The following GPC5 variants were observed in gnomAD, a reference collection of about 807,000 sequenced individuals.
GPC5 encodes the protein glypican-5.
In GPC5, 47 loss-of-function variants were observed where a neutral mutation model predicts 53.9. The observed-to-expected ratio is 0.87, with a 90% confidence interval of 0.69 to 1.11. The LOEUF (loss-of-function observed/expected upper bound fraction) is 1.11. Among genes scored for constraint, GPC5 ranks in the 50% most tolerant of loss-of-function variants. GPC5 has a pLI of 0.00. For synonymous variants in GPC5, 286 were observed against 263.3 expected (o/e 1.09, Z -0.84); for missense variants, 748 against 713.1 (o/e 1.05, Z -0.56).
intron 7 of GPC5, among the ~76,000 whole-genome samples, chr13:92,603,071 A>G (rs548722972): frequency 1.3e-5 from 2 of 152,336 alleles, no homozygotes; most frequent in African/African-American, 2.4e-5. Context: ...GATTTCAGTC[A>G]CTGAAGCTAT....
At chr13:91,902,754 G>C (rs2039510530) in intron 5 of GPC5, among the ~76,000 whole-genome samples, 1 of 152,006 alleles carries the variant, frequency 6.6e-6, no homozygotes, top group African/African-American at 2.4e-5. Context: ...ATTTAATCTA[G>C]AAACCATGTT....
intron 5 of GPC5, among the ~76,000 whole-genome samples, chr13:91,825,916 G>A (rs2138844328): frequency 6.6e-6 from 1 of 152,116 alleles, no homozygotes; most frequent in South Asian, 2.1e-4. Flanking sequence ...CTTACATGAG[G>A]GAAGCTCCAA....
chr13:91,874,640 C>T (rs1288791522), intron 5 of GPC5, among the ~76,000 whole-genome samples: 1 of 152,140 alleles, frequency 6.6e-6, no homozygotes, highest in Non-Finnish European at 1.5e-5. Flanking sequence ...TGGTGTGTAT[C>T]TTAAGCCATG....
Position 91,528,070 on chromosome 13 carries a change from TA to T in GPC5, c.325+79149del, listed in dbSNP as rs1232110816. On this transcript the variant is annotated intron_variant, in intron 2 of 7. Transcript: ENST00000377067. ...TGAAGACAATTGTCTTGGCTTTTAA[TA>T]TTCAACTTCTCATTATTTATGCAAA... is the stretch of plus-strand genomic sequence containing the variant. Among the ~76,000 whole-genome samples, 3 of 152,242 alleles carry T rather than the reference TA, an allele frequency of 2.0e-5. No homozygotes were observed. The East Asian group carries it at 5.8e-4, about 29-fold the overall frequency.
chr13:92,513,188 C>T (rs972675694), intron 7 of GPC5, among the ~76,000 whole-genome samples: 2 of 152,172 alleles, frequency 1.3e-5, no homozygotes, highest in African/African-American at 4.8e-5. Context: ...AGCAGGCCGC[C>T]TTTTCCTGTA....
intron 7 of GPC5, among the ~76,000 whole-genome samples, chr13:92,287,451 A>T (rs1225168476): frequency 6.6e-6 from 1 of 152,156 alleles, no homozygotes; most frequent in Non-Finnish European, 1.5e-5. Context: ...GTAGGGTTTG[A>T]AGTCTCCAAT....
intron 2 of GPC5, among the ~76,000 whole-genome samples, chr13:91,522,921 A>G (rs1885899266): frequency 6.6e-6 from 1 of 152,134 alleles, no homozygotes; most frequent in South Asian, 2.1e-4. Flanking sequence ...TCATTGATGG[A>G]CGTTTGGGTT....
At chr13:92,381,792 T>TAC (rs2043741163) in intron 7 of GPC5, among the ~76,000 whole-genome samples, 2 of 110,798 alleles carry the variant, frequency 1.8e-5, no homozygotes, top group Non-Finnish European at 3.9e-5. Context: ...AACTGTGATA[T>TAC]ATATAGATAC....
chr13:91,873,790 C>A (rs1273667856), intron 5 of GPC5, among the ~76,000 whole-genome samples: 2 of 152,044 alleles, frequency 1.3e-5, no homozygotes, highest in Non-Finnish European at 1.5e-5. Flanking sequence ...CTCAAGGACT[C>A]CTCCTGTTAG....
intron 2 of GPC5, among the ~76,000 whole-genome samples, chr13:91,507,346 C>T (rs112580414): frequency 0.017 from 2,600 of 152,138 alleles, 87 homozygotes; most frequent in African/African-American, 0.059. Flanking sequence ...AAGACATACC[C>T]GAGACTGGGT....
At chr13:91,971,919 G>A (rs2040246008) in intron 6 of GPC5, among the ~76,000 whole-genome samples, 2 of 152,120 alleles carry the variant, frequency 1.3e-5, no homozygotes, top group South Asian at 4.1e-4. Flanking sequence ...GTGTGGTGTG[G>A]TGCTGGAAAA....
chr13:92,590,126 C>A (rs1031382801), intron 7 of GPC5, among the ~76,000 whole-genome samples: 27 of 152,156 alleles, frequency 1.8e-4, no homozygotes, highest in African/African-American at 6.0e-4. Flanking sequence ...GGGATCTATT[C>A]CCCAGCCAAC....
chr13:91,903,158 G>A (rs1345621685), intron 5 of GPC5, among the ~76,000 whole-genome samples: 3 of 151,520 alleles, frequency 2.0e-5, no homozygotes, highest in Admixed American at 6.6e-5. Flanking sequence ...TAACTGATTC[G>A]TTTTAAAATT....
intron 7 of GPC5, among the ~76,000 whole-genome samples, chr13:92,311,774 A>AT (rs1259637240): frequency 3.9e-5 from 6 of 152,176 alleles, no homozygotes; most frequent in Admixed American, 3.9e-4. Flanking sequence ...ACATGTGGGA[A>AT]TTATGGGAGC....
chr13:91,729,545 GTTTC>G (rs1263736315), intron 4 of GPC5, among the ~76,000 whole-genome samples: 1 of 152,062 alleles, frequency 6.6e-6, no homozygotes, highest in Admixed American at 6.6e-5. Context: ...TCTAAAATCT[GTTTC>G]TTTCTTTTTT....
chr13:92,702,542 A>G (rs1298179273), intron 7 of GPC5, among the ~76,000 whole-genome samples: 1 of 152,066 alleles, frequency 6.6e-6, no homozygotes, highest in East Asian at 1.9e-4. Flanking sequence ...ATAGAAATCC[A>G]TAAGGAAATC....
chr13:92,218,435 T>C (rs1283814125), intron 7 of GPC5, among the ~76,000 whole-genome samples: 2 of 152,286 alleles, frequency 1.3e-5, no homozygotes, highest in East Asian at 1.9e-4. Flanking sequence ...TCTAGAACTT[T>C]CCCTAATTTT....
chr13:92,156,908 A>G (rs529448667), intron 7 of GPC5, among the ~76,000 whole-genome samples: 1 of 152,082 alleles, frequency 6.6e-6, no homozygotes, highest in Non-Finnish European at 1.5e-5. Context: ...TTTAAAATGT[A>G]TATGCCTCCA....
At chr13:92,523,832 A>G (rs1881165168) in intron 7 of GPC5, among the ~76,000 whole-genome samples, 1 of 100,302 alleles carries the variant, frequency 1.0e-5, no homozygotes, top group Non-Finnish European at 2.3e-5. Context: ...GTTGTTTCCC[A>G]TGCATATAAA....
Sources: gnomAD v4.1 joint callset for allele counts (sites outside exome capture counted in the v4.1 genomes callset) on GRCh38, gnomAD v4.1.1 for gene constraint, MANE v1.5 for transcripts, NCBI Gene and HGNC (gene_info 2026-07-23, HGNC 2026-07-21) for gene names.